PRKCA: variants seen among roughly 807,000 people sequenced by gnomAD.
PRKCA encodes the protein protein kinase C alpha, also known as protein kinase C alpha type.
PRKCA carries 27 observed loss-of-function variants against 87.0 expected under a neutral mutation model. The ratio of observed to expected loss-of-function variants is 0.31; its 90% CI spans 0.23 to 0.43. The LOEUF (loss-of-function observed/expected upper bound fraction) is 0.43, where lower values mean the gene tolerates loss of function less well. Among genes scored for constraint, PRKCA ranks in the 20% least tolerant of loss-of-function variants. PRKCA has a pLI of 1.00. For missense variants in PRKCA, 518 were observed against 852.3 expected, an observed-to-expected ratio of 0.61 and a Z score of 4.88; for synonymous variants, 329 against 311.1, an observed-to-expected ratio of 1.06 and a Z score of -0.61.
At chr17:66,317,543 TTA>T (rs1268749050) in intron 2 of PRKCA, among the ~76,000 whole-genome samples, 1 of 152,244 alleles carries the variant, frequency 6.6e-6, no homozygotes, top group African/African-American at 2.4e-5. Context: ...AGTGAATGTC[TTA>T]TGTTTCCATT....
intron 3 of PRKCA, among the ~76,000 whole-genome samples, chr17:66,568,424 T>C (rs1211973265): frequency 6.6e-6 from 1 of 152,092 alleles, no homozygotes; most frequent in African/African-American, 2.4e-5. Flanking sequence ...TGGGTGCTGG[T>C]GAGGAGTAAT....
At chr17:66,551,428 G>A (rs537705330) in intron 3 of PRKCA, among the ~76,000 whole-genome samples, 1 of 152,220 alleles carries the variant, frequency 6.6e-6, no homozygotes, top group South Asian at 2.1e-4. Flanking sequence ...CCTGCTTTTC[G>A]CAGGGTTTAG....
At chr17:66,370,998 T>A (rs1041708687) in intron 2 of PRKCA, among the ~76,000 whole-genome samples, 3 of 152,290 alleles carry the variant, frequency 2.0e-5, no homozygotes, top group Admixed American at 1.3e-4. Flanking sequence ...TTCTCCTTAG[T>A]GAATCTCCGA....
At chr17:66,341,878 A>G (rs181288267) in intron 2 of PRKCA, among the ~76,000 whole-genome samples, 1 of 152,352 alleles carries the variant, frequency 6.6e-6, no homozygotes, top group Admixed American at 6.5e-5. Context: ...TAAAATTGTG[A>G]TAAAGATTTC....
chr17:66,770,454 T>C (rs560960592), intron 13 of PRKCA, among the ~76,000 whole-genome samples: 13 of 152,326 alleles, frequency 8.5e-5, no homozygotes, highest in African/African-American at 3.1e-4. Flanking sequence ...TTTTCTGTTC[T>C]AACTTCAAAA....
chr17:66,450,440 CATCTTTGGT>C (rs2143917540), intron 2 of PRKCA, among the ~76,000 whole-genome samples: 1 of 152,224 alleles, frequency 6.6e-6, no homozygotes, highest in East Asian at 1.9e-4. Context: ...CGTGGGTCCC[CATCTTTGGT>C]ACCTGAAGAC....
chr17:66,638,109 A>AAT lies in PRKCA; in HGVS notation c.289-3231_289-3230dup, dbSNP rs57070883. Reference sequence around the variant, plus strand: ...AAATAGGTGGTGGACTTGTTTCTAAAATATATATATATATATGTGTGTGTG... The same window carrying AAT: ...AAATAGGTGGTGGACTTGTTTCTAAAATATATATATATATATATGTGTGTGTG... On this transcript the variant is annotated intron_variant, in intron 3 of 16. Coordinates refer to ENST00000413366, the MANE Select transcript of PRKCA (RefSeq NM_002737.3). Among the ~76,000 whole-genome samples, 510 of 149,744 alleles carry AAT rather than the reference A, an allele frequency of 3.4e-3. 9 individuals are homozygous for AAT. The highest frequency in any genetic ancestry group is 0.029 in the East Asian group (149 of 5,108).
chr17:66,709,064 T>G (rs1339042896), intron 8 of PRKCA, among the ~76,000 whole-genome samples: 1 of 152,174 alleles, frequency 6.6e-6, no homozygotes, highest in Non-Finnish European at 1.5e-5. Context: ...AGACAAAGCC[T>G]TACTGAGCAC....
intron 10 of PRKCA, among the ~76,000 whole-genome samples, chr17:66,738,185 A>G (rs1974079904): frequency 6.6e-6 from 1 of 152,244 alleles, no homozygotes; most frequent in Admixed American, 6.5e-5. Flanking sequence ...GTTTGGGCAT[A>G]TTACAGATGC....
At chr17:66,318,967 T>A (rs911264106) in intron 2 of PRKCA, among the ~76,000 whole-genome samples, 1 of 25,854 alleles carries the variant, frequency 3.9e-5, no homozygotes, top group African/African-American at 1.7e-4. Context: ...CAAAAAAATA[T>A]TTTTTGTAAT....
intron 3 of PRKCA, among the ~76,000 whole-genome samples, chr17:66,511,823 G>A (rs954286092): frequency 1.3e-5 from 2 of 151,962 alleles, no homozygotes; most frequent in African/African-American, 4.8e-5. Flanking sequence ...TGGGATTACA[G>A]GTGCACACCA....
chr17:66,771,753 GCCC>G (rs1974939100), intron 13 of PRKCA, among the ~76,000 whole-genome samples: 1 of 152,064 alleles, frequency 6.6e-6, no homozygotes, highest in Non-Finnish European at 1.5e-5. Flanking sequence ...GCATCACCAT[GCCC>G]AGCTAATTTT....
At chr17:66,726,511 C>A (rs1973752265) in intron 8 of PRKCA, among the ~76,000 whole-genome samples, 1 of 152,112 alleles carries the variant, frequency 6.6e-6, no homozygotes, top group South Asian at 2.1e-4. Flanking sequence ...TGGAGGATGA[C>A]TGTGAACAGC....
intron 14 of PRKCA, among the ~76,000 whole-genome samples, chr17:66,785,815 A>G (rs1008762150): frequency 1.3e-5 from 2 of 152,202 alleles, no homozygotes; most frequent in Admixed American, 1.3e-4. Context: ...CCATCTTACA[A>G]GTTGGAGAAC....
chr17:66,431,706 A>G (rs1281386464), intron 2 of PRKCA, among the ~76,000 whole-genome samples: 1 of 152,168 alleles, frequency 6.6e-6, no homozygotes, highest in Non-Finnish European at 1.5e-5. Flanking sequence ...ATTCCTTCTG[A>G]AACTAAGAAT....
intron 3 of PRKCA, among the ~76,000 whole-genome samples, chr17:66,624,151 C>T (rs1970774224): frequency 6.6e-6 from 1 of 151,834 alleles, no homozygotes; most frequent in African/African-American, 2.4e-5. Flanking sequence ...TGATGCATGC[C>T]AGTCAGTGAA....
chr17:66,735,694 A>T (rs201867448), intron 10 of PRKCA, 32 bp downstream of exon 10: 1 of 1,601,382 alleles, frequency 6.2e-7, no homozygotes, highest in Non-Finnish European at 8.5e-7. Context: ...GCGATGCAGT[A>T]CCCAGCTCTC....
intron 8 of PRKCA, among the ~76,000 whole-genome samples, chr17:66,706,271 A>G (rs2144110281): frequency 6.6e-6 from 1 of 152,286 alleles, no homozygotes. Context: ...CCCATATTAA[A>G]TAGCGAAGGG....
At chr17:66,791,208 C>T (rs183684428) in intron 16 of PRKCA, among the ~76,000 whole-genome samples, 3 of 137,360 alleles carry the variant, frequency 2.2e-5, no homozygotes, top group Non-Finnish European at 3.1e-5. Flanking sequence ...GGATAAATTG[C>T]CCCTGGCTGT....
Sources: allele counts gnomAD v4.1 joint callset (sites outside exome capture counted in the v4.1 genomes callset), GRCh38; gene constraint gnomAD v4.1.1; transcripts MANE v1.5; gene names NCBI Gene and HGNC (gene_info 2026-07-23, HGNC 2026-07-21).